RANBP1: variants seen among roughly 807,000 people sequenced by gnomAD.
RANBP1 encodes RAN binding protein 1.
A neutral mutation model predicts 31.4 loss-of-function variants in RANBP1; 16 were observed. The ratio of observed to expected loss-of-function variants is 0.51; its 90% CI spans 0.34 to 0.77. RANBP1 has a LOEUF of 0.77. Ranked by LOEUF, RANBP1 falls within the 30% of genes least tolerant of loss-of-function variation. The pLI, the probability that RANBP1 is intolerant of heterozygous loss-of-function variation, is 0.01. For missense variants in RANBP1, 265 were observed against 362.0 expected (o/e 0.73, Z 2.17); for synonymous variants, 129 against 140.5 (o/e 0.92, Z 0.58).
chr22:20,119,270 G>A (rs1001978951), intron 2 of RANBP1, 121 bp downstream of exon 2: 2 of 920,120 alleles, frequency 2.2e-6, no homozygotes, highest in Admixed American at 4.6e-5. Flanking sequence ...AGGGCCTAAA[G>A]TTGGTGACTA....
chr22:20,117,692 G>A, intron 1 of RANBP1: 1 of 1,132,396 alleles, frequency 8.8e-7, no homozygotes, highest in Non-Finnish European at 1.1e-6. Context: ...CGGGGACAGG[G>A]TGGGCGGGCG....
chr22:20,124,753 C>T (rs2147990815), intron 3 of RANBP1: 1 of 159,322 alleles, frequency 6.3e-6, no homozygotes, highest in Non-Finnish European at 1.4e-5. Flanking sequence ...TCCCTTCTGG[C>T]AACTGCCCCA....
In RANBP1 at chr22:20,117,352, T is replaced by G. The variant is rs570489227; in HGVS notation, c.246+922T>G. On this transcript the variant is annotated intron_variant, in intron 1 of 5. Coordinates refer to ENST00000430524, the MANE Select transcript of RANBP1 (RefSeq NM_001278639.2). ...GGGTGTCGCCGGGAGTGCGCGCTCC[T>G]CTGGCTGACGGGCGGGCCGGGCATG... 423 of 1,213,964 alleles carry G rather than the reference T, an allele frequency of 3.5e-4. 2 individuals carry two copies. The African/African-American group carries it at 6.1e-3, about 18-fold the overall frequency. The allele number at this position is 1,213,964 out of a possible 1,614,324, so 75.2% of individuals were successfully genotyped here.
chr22:20,117,279 A>T, intron 1 of RANBP1: 1 of 703,306 alleles, frequency 1.4e-6, no homozygotes, highest in Non-Finnish European at 2.0e-6. Context: ...ACCCCCAACC[A>T]CTTTAGCCAG....
intron 3 of RANBP1, 161 bp downstream of exon 3, chr22:20,122,582 G>A (rs767027833): frequency 9.1e-6 from 14 of 1,539,596 alleles, no homozygotes; most frequent in Admixed American, 2.0e-5. Context: ...TTTTTCAGAC[G>A]TGCCTCTGAA....
intron 1 of RANBP1, chr22:20,118,425 C>T (rs1422555452): frequency 1.7e-5 from 15 of 889,456 alleles, no homozygotes; most frequent in East Asian, 1.2e-4. Context: ...TAGTTATTAA[C>T]TTAGTTTTCT....
intron 3 of RANBP1, chr22:20,124,952 C>T: frequency 3.1e-6 from 1 of 318,340 alleles, no homozygotes; most frequent in Non-Finnish European, 6.0e-6. Flanking sequence ...ACAGCTGGGG[C>T]CTGCTTTGCC....
intron 1 of RANBP1, 118 bp from the exon 2 acceptor site, chr22:20,118,895 C>T: frequency 2.8e-6 from 3 of 1,071,630 alleles, no homozygotes; most frequent in Non-Finnish European, 4.1e-6. Context: ...GGGTTGGGCC[C>T]ATCCTTGTAT....
At chr22:20,121,072 G>A (rs2050159596) in intron 2 of RANBP1, among the ~76,000 whole-genome samples, 1 of 152,176 alleles carries the variant, frequency 6.6e-6, no homozygotes, top group Non-Finnish European at 1.5e-5. Flanking sequence ...TCCTGCCTCA[G>A]CTTCTTGAAT....
chr22:20,117,081 G>C, intron 1 of RANBP1: 1 of 837,402 alleles, frequency 1.2e-6, no homozygotes, highest in Non-Finnish European at 1.9e-6. Flanking sequence ...CGCCCCAGGC[G>C]GGGCGGGACT....
intron 3 of RANBP1, chr22:20,122,671 G>T: frequency 6.8e-7 from 1 of 1,460,228 alleles, no homozygotes; most frequent in South Asian, 1.2e-5. Flanking sequence ...GGAGGACGCA[G>T]CGCCCAGGCT....
chr22:20,122,570 C>G, intron 3 of RANBP1, 149 bp downstream of exon 3: 1 of 1,545,450 alleles, frequency 6.5e-7, no homozygotes, highest in Non-Finnish European at 8.7e-7. Flanking sequence ...ACCAGAAATA[C>G]GTTTTTCAGA....
intron 3 of RANBP1, chr22:20,124,804 G>T (rs1043777848): frequency 1.8e-5 from 3 of 163,982 alleles, no homozygotes; most frequent in African/African-American, 4.8e-5. Context: ...AGATAGGCTG[G>T]CTCTATGTGT....
chr22:20,116,175 C>T lies in RANBP1; in HGVS notation c.-10C>T, dbSNP rs2050011064. Reference sequence around the variant, plus strand: ...GCTCACTCTCACCCTCCTGTCGCCTCCTCCTGGCCATGGGGTCGGCCTTGG... The same window carrying T: ...GCTCACTCTCACCCTCCTGTCGCCTTCTCCTGGCCATGGGGTCGGCCTTGG... On this transcript the variant is annotated 5_prime_UTR_variant, in exon 1 of 6. Coordinates refer to ENST00000430524, the MANE Select transcript of RANBP1 (RefSeq NM_001278639.2). 1.9e-6 allele frequency: 3 copies of T among 1,613,130 alleles called. No homozygotes were observed. The highest frequency in any genetic ancestry group is 2.5e-6 in the Non-Finnish European group (3 of 1,179,972).
intron 2 of RANBP1, among the ~76,000 whole-genome samples, chr22:20,120,454 G>T (rs976835201): frequency 4.6e-5 from 7 of 152,190 alleles, no homozygotes; most frequent in Admixed American, 6.5e-5. Context: ...GGTGAGGCCA[G>T]CAGGGTGGGC....
rs752196675 is a variant in RANBP1 at position 20,126,949 on chromosome 22, T to TA, written c.737-2dup. On this transcript the variant is annotated splice_polypyrimidine_tract_variant and splice_region_variant and intron_variant, in intron 5 of 5. Coordinates refer to ENST00000430524, the MANE Select transcript of RANBP1 (RefSeq NM_001278639.2). ...TTTCTCACTGTGCTGCTTGTGTTTT[T>TA]AGCAGGATCAGGCAAAAATGATCAT... The TA allele has an allele frequency of 6.2e-7, 1 of 1,612,500 alleles. No individual in the cohort carries two copies. Among genetic ancestry groups the TA allele is most frequent in the Non-Finnish European group, 8.5e-7 (1 of 1,179,336 alleles).
chr22:20,118,394 CTT>C, intron 1 of RANBP1: 9 of 961,864 alleles, frequency 9.4e-6, no homozygotes, highest in Non-Finnish European at 1.1e-5. Flanking sequence ...GATTTCATGA[CTT>C]TCACCGGTAC....
At chr22:20,117,525 G>A (rs2050063723) in intron 1 of RANBP1, 1 of 1,337,866 alleles carries the variant, frequency 7.5e-7, no homozygotes, top group Non-Finnish European at 9.6e-7. Context: ...TGGGGCGGAG[G>A]GAAGAGCGGG....
Position 20,119,034 on chromosome 22 carries a change from AC to A in RANBP1, c.269del (p.Thr90IlefsTer18). 6.2e-7 allele frequency: 1 copy of A among 1,613,072 alleles called. No individual in the cohort carries two copies. Among genetic ancestry groups the A allele is most frequent in the Non-Finnish European group, 8.5e-7 (1 of 1,179,864 alleles). On this transcript the variant is annotated frameshift_variant, in exon 2 of 6. Coordinates refer to ENST00000430524, the MANE Select transcript of RANBP1 (RefSeq NM_001278639.2). LOFTEE classifies it high-confidence loss of function. Reference sequence around the variant, plus strand: ...ACAGGACACTCATGAGGACCATGATACTTCCACTGAGAATACAGACGAGTCC... The same window carrying A: ...ACAGGACACTCATGAGGACCATGATATTCCACTGAGAATACAGACGAGTCC... ...ISEDTHEDHD[T>X]STENTDESNH...
Sources: gnomAD v4.1 joint callset for allele counts (sites outside exome capture counted in the v4.1 genomes callset) on GRCh38, gnomAD v4.1.1 for gene constraint, MANE v1.5 for transcripts, NCBI Gene and HGNC (gene_info 2026-07-23, HGNC 2026-07-21) for gene names.